CDH23: variants seen among roughly 807,000 people sequenced by gnomAD.
CDH23 encodes cadherin related 23, also known as cadherin-23.
A neutral mutation model predicts 317.1 loss-of-function variants in CDH23; 189 were observed. The observed-to-expected ratio is 0.60, with a 90% confidence interval of 0.53 to 0.67. The LOEUF (loss-of-function observed/expected upper bound fraction) is 0.67. Among genes scored for constraint, CDH23 ranks in the 30% least tolerant of loss-of-function variants. CDH23 has a pLI of 0.00. For synonymous variants in CDH23, 1,839 were observed against 1,876.8 expected (o/e 0.98, Z 0.52); for missense variants, 4,401 against 4,592.4 (o/e 0.96, Z 1.20).
chr10:71,667,215 GTGAT>G (rs1234940416), intron 14 of CDH23, among the ~76,000 whole-genome samples: 1 of 152,172 alleles, frequency 6.6e-6, no homozygotes, highest in African/African-American at 2.4e-5. Context: ...CTGGTGAGGA[GTGAT>G]TGAGTGCGTG....
chr10:71,443,231 C>A (rs1849985549), intron 2 of CDH23, among the ~76,000 whole-genome samples: 1 of 152,182 alleles, frequency 6.6e-6, no homozygotes, highest in Non-Finnish European at 1.5e-5. Context: ...CTCCACTTGC[C>A]TGGGTTCTTC....
At chr10:71,761,144 C>T (rs540452540) in intron 38 of CDH23, among the ~76,000 whole-genome samples, 28 of 152,290 alleles carry the variant, frequency 1.8e-4, no homozygotes, top group Non-Finnish European at 3.7e-4. Context: ...TGTGAATACC[C>T]GCTGGTGCCC....
chr10:71,742,867 T>C (rs1839774648), intron 38 of CDH23, among the ~76,000 whole-genome samples: 1 of 152,224 alleles, frequency 6.6e-6, no homozygotes, highest in South Asian at 2.1e-4. Context: ...TGGACATGGC[T>C]TAGCCGGGTG....
At chr10:71,694,616 C>T in intron 21 of CDH23, among the ~76,000 whole-genome samples, 1 of 152,164 alleles carries the variant, frequency 6.6e-6, no homozygotes, top group Admixed American at 6.5e-5. Flanking sequence ...CGAGGAAGAG[C>T]AGCTCAGAGC....
intron 1 of CDH23, among the ~76,000 whole-genome samples, chr10:71,425,535 C>T (rs891618589): frequency 1.3e-5 from 2 of 152,178 alleles, no homozygotes; most frequent in African/African-American, 4.8e-5. Context: ...TAGAGCCAGC[C>T]CCGCCCATCT....
chr10:71,460,159 C>T (rs562522789), intron 3 of CDH23, among the ~76,000 whole-genome samples: 1 of 152,376 alleles, frequency 6.6e-6, no homozygotes, highest in South Asian at 2.1e-4. Context: ...CTCTCTCTCT[C>T]TCCATAACCA....
chr10:71,409,772 G>A (rs1480007860), intron 1 of CDH23, among the ~76,000 whole-genome samples: 1 of 152,138 alleles, frequency 6.6e-6, no homozygotes, highest in East Asian at 1.9e-4. Context: ...TGCTTCCCCA[G>A]GCTTAAGAGC....
intron 3 of CDH23, among the ~76,000 whole-genome samples, chr10:71,479,017 G>A (rs1389914142): frequency 2.6e-5 from 4 of 152,270 alleles, no homozygotes; most frequent in South Asian, 2.1e-4. Flanking sequence ...GCCATTTACC[G>A]AGTGTCCACT....
chr10:71,411,754 A>G (rs2131922129), intron 1 of CDH23, among the ~76,000 whole-genome samples: 1 of 152,272 alleles, frequency 6.6e-6, no homozygotes, highest in East Asian at 1.9e-4. Flanking sequence ...AATAGCTGTC[A>G]TTTTTCAAAT....
chr10:71,515,394 T>TCTCTCTCTCA (rs1491490493), intron 6 of CDH23, among the ~76,000 whole-genome samples: 60 of 26,696 alleles, frequency 2.2e-3, no homozygotes, highest in African/African-American at 4.7e-3. Flanking sequence ...TCTCTCTCTC[T>TCTCTCTCTCA]CACACACACA....
intron 1 of CDH23, among the ~76,000 whole-genome samples, chr10:71,436,544 T>G (rs906643889): frequency 6.6e-6 from 1 of 152,182 alleles, no homozygotes; most frequent in African/African-American, 2.4e-5. Flanking sequence ...GCAGACCTGG[T>G]CAATCCTAGA....
Position 71,812,573 on chromosome 10 carries a change from G to C in CDH23, c.9474G>C (p.Glu3158Asp). The C allele has an allele frequency of 6.2e-7, 1 of 1,613,974 alleles. No homozygotes were observed. The highest frequency in any genetic ancestry group is 1.1e-5 in the South Asian group (1 of 91,090). ...ATGACCTACCGGAGAACCTGAGTGA[G>C]ATCGCCGACCTGTGGAACAGCCCCA... Reference protein sequence around the residue: ...HEDDLPENLSEIADLWNSPTR... With the variant: ...HEDDLPENLSDIADLWNSPTR... The change falls in exon 67 of 70, where the codon GAG (glutamate) becomes GAC (aspartate). Residue 3158 changes from glutamate to aspartate, a missense_variant. Physicochemically the swap from Glu to Asp is conservative, Grantham distance 45. This residue lies in a region of CDH23 where 1,144 missense variants were observed against 1,138.2 expected (regional missense o/e 1.01). Coordinates refer to ENST00000224721, the MANE Select transcript of CDH23 (RefSeq NM_022124.6).
At chr10:71,530,335 C>T (rs531256073) in intron 6 of CDH23, among the ~76,000 whole-genome samples, 1 of 152,194 alleles carries the variant, frequency 6.6e-6, no homozygotes, top group African/African-American at 2.4e-5. Flanking sequence ...CCAGCTCAGG[C>T]CTTCCTCTCA....
intron 3 of CDH23, 42 bp downstream of exon 3, chr10:71,446,437 G>A: frequency 6.3e-7 from 1 of 1,574,928 alleles, no homozygotes; most frequent in Non-Finnish European, 8.7e-7. Context: ...GATGGCCTGG[G>A]GTGCAATCCC....
At chr10:71,727,794 C>T (rs1866883609) in intron 30 of CDH23, among the ~76,000 whole-genome samples, 2 of 152,246 alleles carry the variant, frequency 1.3e-5, no homozygotes, top group African/African-American at 4.8e-5. Flanking sequence ...AGGCACAGCA[C>T]TGGACAGAAA....
chr10:71,420,392 A>ATGATGG (rs1848699976), intron 1 of CDH23, among the ~76,000 whole-genome samples: 1 of 115,010 alleles, frequency 8.7e-6, no homozygotes, highest in Non-Finnish European at 1.9e-5. Flanking sequence ...ACACATGATG[A>ATGATGG]TGATGGTGAT....
chr10:71,753,625 GC>G (rs1457452761), intron 38 of CDH23, among the ~76,000 whole-genome samples: 2 of 152,208 alleles, frequency 1.3e-5, no homozygotes, highest in Non-Finnish European at 2.9e-5. Flanking sequence ...GCTGCCGCTT[GC>G]CTCAGCCTTG....
At chr10:71,806,112 C>T in intron 56 of CDH23, 56 bp from the exon 57 acceptor site, 1 of 1,535,100 alleles carries the variant, frequency 6.5e-7, no homozygotes, top group Non-Finnish European at 8.8e-7. Context: ...CCGGGAAGTC[C>T]CCAAGCCAAT....
chr10:71,759,536 G>A (rs1292149383), intron 38 of CDH23, among the ~76,000 whole-genome samples: 2 of 151,320 alleles, frequency 1.3e-5, no homozygotes, highest in Admixed American at 6.6e-5. Flanking sequence ...GAGGCCAGGC[G>A]TGGTGACTCA....
Sources: gnomAD v4.1 joint callset for allele counts (sites outside exome capture counted in the v4.1 genomes callset) on GRCh38, gnomAD v4.1.1 for gene constraint, gnomAD v4.1.1 regional missense constraint, MANE v1.5 for transcripts, NCBI Gene and HGNC (gene_info 2026-07-23, HGNC 2026-07-21) for gene names.